The following MSI2 variants were observed in gnomAD, a reference collection of about 807,000 sequenced individuals.
MSI2 encodes the protein musashi RNA binding protein 2.
A neutral mutation model predicts 45.6 loss-of-function variants in MSI2; 17 were observed. That is an observed-to-expected ratio of 0.37 (90% CI 0.26 to 0.56). MSI2 has a LOEUF of 0.56. Ranked by LOEUF, MSI2 falls within the 20% of genes least tolerant of loss-of-function variation. The pLI is 0.77. For synonymous variants in MSI2, 156 were observed against 158.2 expected (o/e 0.99, Z 0.11); for missense variants, 293 against 444.2 (o/e 0.66, Z 3.06).
intron 6 of MSI2, among the ~76,000 whole-genome samples, chr17:57,500,591 G>T (rs191007229): frequency 4.1e-4 from 63 of 151,898 alleles, no homozygotes; most frequent in Non-Finnish European, 9.0e-4. Context: ...TAGGGTGTGT[G>T]TGTTGACCAG....
At chr17:57,424,249 G>C (rs2084448952) in intron 6 of MSI2, among the ~76,000 whole-genome samples, 1 of 152,224 alleles carries the variant, frequency 6.6e-6, no homozygotes, top group Admixed American at 6.5e-5. Flanking sequence ...GAAAAATGCA[G>C]TCTCTCTAAT....
At chr17:57,495,462 G>A (rs1361764437) in intron 6 of MSI2, among the ~76,000 whole-genome samples, 2 of 149,602 alleles carry the variant, frequency 1.3e-5, no homozygotes, top group Non-Finnish European at 3.0e-5. Flanking sequence ...GAACCCAGGA[G>A]GCGGAGGTTG....
intron 7 of MSI2, among the ~76,000 whole-genome samples, chr17:57,582,209 G>C (rs906409425): frequency 2.6e-5 from 4 of 152,096 alleles, no homozygotes; most frequent in Non-Finnish European, 5.9e-5. Flanking sequence ...GGCAACTTCA[G>C]AACCAGAGTC....
At chr17:57,597,429 G>A (rs1470837984) in intron 8 of MSI2, among the ~76,000 whole-genome samples, 4 of 142,402 alleles carry the variant, frequency 2.8e-5, no homozygotes, top group African/African-American at 7.9e-5. Context: ...CCAGGAGTTC[G>A]AGACGAGCCT....
At chr17:57,327,401 C>G (rs1003238240) in intron 5 of MSI2, among the ~76,000 whole-genome samples, 1 of 152,252 alleles carries the variant, frequency 6.6e-6, no homozygotes, top group Non-Finnish European at 1.5e-5. Flanking sequence ...TTTTCTCTTG[C>G]TTCAGCAAGG....
intron 7 of MSI2, among the ~76,000 whole-genome samples, chr17:57,564,931 G>A (rs913570327): frequency 3.3e-5 from 5 of 152,154 alleles, no homozygotes; most frequent in Admixed American, 6.5e-5. Flanking sequence ...CATTCTGTGC[G>A]TTTATCTGTT....
At chr17:57,468,725 C>A (rs2085377034) in intron 6 of MSI2, among the ~76,000 whole-genome samples, 1 of 152,010 alleles carries the variant, frequency 6.6e-6, no homozygotes, top group African/African-American at 2.4e-5. Flanking sequence ...CCGGGGGATG[C>A]AGTCGGTGTG....
At chr17:57,548,215 GTC>G (rs2087216287) in intron 7 of MSI2, among the ~76,000 whole-genome samples, 1 of 152,092 alleles carries the variant, frequency 6.6e-6, no homozygotes, top group South Asian at 2.1e-4. Context: ...AGCTCCCTGG[GTC>G]TCTCAGATTT....
At chr17:57,490,347 G>C (rs1483705855) in intron 6 of MSI2, among the ~76,000 whole-genome samples, 1 of 152,238 alleles carries the variant, frequency 6.6e-6, no homozygotes, top group East Asian at 1.9e-4. Flanking sequence ...AATTTGCCAA[G>C]TGTCTTGAAG....
intron 6 of MSI2, among the ~76,000 whole-genome samples, chr17:57,483,907 A>G (rs2085699510): frequency 1.3e-5 from 2 of 152,226 alleles, no homozygotes; most frequent in Non-Finnish European, 2.9e-5. Context: ...CGCTGTTGGC[A>G]GAGCCTACCA....
chr17:57,383,423 A>G (rs1291872557), intron 5 of MSI2, among the ~76,000 whole-genome samples: 6 of 152,284 alleles, frequency 3.9e-5, no homozygotes, highest in Admixed American at 3.3e-4. Context: ...TTGGGAGGCC[A>G]AGGCGGGTGG....
At position 57,652,185 on chromosome 17, in the gene MSI2, G is replaced by A. The variant is rs753807937; in HGVS notation, c.790+24G>A. The A allele has an allele frequency of 2.4e-5, 39 of 1,610,696 alleles. 1 individual carries two copies. The highest frequency in any genetic ancestry group is 1.6e-4 in the Middle Eastern group (1 of 6,074). On this transcript the variant is annotated intron_variant, in intron 11 of 13. Transcript: ENST00000284073. This position sits in a 1 kb window ranked among gnomAD's most constrained non-coding sequence, Gnocchi z 4.1. ...AGGTAGGAAGGTGTATGGGACAGGC[G>A]ACTCCCAGGCATGCCCCCAGTGTGC...
chr17:57,598,982 A>AAG (rs897521998), intron 8 of MSI2, among the ~76,000 whole-genome samples: 7 of 152,140 alleles, frequency 4.6e-5, no homozygotes, highest in Admixed American at 1.3e-4. Context: ...TATTTTTAAA[A>AAG]AGAGAGAGAG....
At position 57,652,222 on chromosome 17, in the gene MSI2, A is replaced by C; in HGVS notation, c.790+61A>C. ...TGCCCCCAGTGTGCAGGGGGAGGTC[A>C]AGGCCCTGTCGGATCTGTGTGGCTG... On this transcript the variant is annotated intron_variant, in intron 11 of 13. Transcript: ENST00000284073. The surrounding 1 kb of genome is among the most constrained non-coding windows in gnomAD (Gnocchi z 4.1). 4 of 1,501,188 alleles carry C rather than the reference A, an allele frequency of 2.7e-6. No individual in the cohort carries two copies. The highest frequency in any genetic ancestry group is 3.7e-6 in the Non-Finnish European group (4 of 1,078,600). The allele number at this position is 1,501,188 out of a possible 1,614,324, so 93.0% of individuals were successfully genotyped here. A position where few individuals can be genotyped will look rare whatever the true frequency, so the allele number is the denominator to read the frequency against.
intron 6 of MSI2, among the ~76,000 whole-genome samples, chr17:57,502,636 T>TATATATATATATATAGAGAGAG: frequency 7.2e-5 from 7 of 96,928 alleles, no homozygotes; most frequent in Non-Finnish European, 6.4e-5. Flanking sequence ...TATATATATA[T>TATATATATATATATAGAGAGAG]AGTCATCATT....
chr17:57,323,153 A>G (rs940963182), intron 5 of MSI2, among the ~76,000 whole-genome samples: 5 of 152,148 alleles, frequency 3.3e-5, no homozygotes, highest in African/African-American at 1.2e-4. Flanking sequence ...CCAAAAAGAA[A>G]GGGAGCAGCT....
chr17:57,644,792 A>G (rs577790008), intron 10 of MSI2, among the ~76,000 whole-genome samples: 155 of 152,264 alleles, frequency 1.0e-3, no homozygotes, highest in African/African-American at 3.6e-3. Flanking sequence ...GATGCATATT[A>G]CAAAAGAGTC....
At chr17:57,676,912 AT>A in intron 12 of MSI2, 74 bp from the exon 13 acceptor site, 1 of 968,866 alleles carries the variant, frequency 1.0e-6, no homozygotes, top group Non-Finnish European at 1.7e-6. Flanking sequence ...CCTAGAGATA[AT>A]TTCCTTTCCC....
chr17:57,675,141 T>C lies in MSI2; in HGVS notation c.945+15T>C. ...ACGGCATAGCTGTAAGTACCTGCCT[T>C]CCCCTGCCCTCCTGCCTCCTCCTTC... On this transcript the variant is annotated intron_variant, in intron 12 of 13. Transcript: ENST00000284073. 1 of 1,605,700 alleles carries C rather than the reference T, an allele frequency of 6.2e-7. No homozygotes were observed. The highest frequency in any genetic ancestry group is 8.5e-7 in the Non-Finnish European group (1 of 1,175,584).
Sources: gnomAD v4.1 joint callset for allele counts (sites outside exome capture counted in the v4.1 genomes callset) on GRCh38, gnomAD v4.1.1 for gene constraint, Gnocchi (gnomAD v3.1) non-coding constraint, MANE v1.5 for transcripts, NCBI Gene and HGNC (gene_info 2026-07-23, HGNC 2026-07-21) for gene names.